The following IMMP2L variants were observed in gnomAD, a reference collection of about 807,000 sequenced individuals.
IMMP2L encodes the protein mitochondrial inner membrane protease subunit 2.
Under a neutral mutation model 19.3 loss-of-function variants are expected in IMMP2L, and 18 were observed. The observed-to-expected ratio is 0.93, with a 90% CI of 0.64 to 1.38. The LOEUF is 1.38. Ranked by LOEUF, IMMP2L falls within the 40% of genes most tolerant of loss-of-function variation. The pLI, the probability that IMMP2L is intolerant of heterozygous loss-of-function variation, is 0.00. For synonymous variants in IMMP2L, 76 were observed against 73.0 expected (o/e 1.04, Z -0.21); for missense variants, 233 against 218.2 (o/e 1.07, Z -0.43).
At chr7:110,844,393 T>C (rs1768284446) in intron 5 of IMMP2L, among the ~76,000 whole-genome samples, 1 of 151,590 alleles carries the variant, frequency 6.6e-6, no homozygotes, top group Non-Finnish European at 1.5e-5. Context: ...AGAGAGAAAA[T>C]GTTTCAGACA....
intron 3 of IMMP2L, among the ~76,000 whole-genome samples, chr7:111,229,204 ATTC>A (rs1813448012): frequency 6.6e-6 from 1 of 152,042 alleles, no homozygotes; most frequent in African/African-American, 2.4e-5. Context: ...ACACAAATTA[ATTC>A]TTAATATTTT....
At chr7:111,286,195 T>TA (rs370724743) in intron 3 of IMMP2L, among the ~76,000 whole-genome samples, 21 of 152,254 alleles carry the variant, frequency 1.4e-4, no homozygotes, top group African/African-American at 5.1e-4. Flanking sequence ...GAAGTACAGT[T>TA]AGAGATGCAC....
At chr7:111,309,515 A>T (rs1439611231) in intron 3 of IMMP2L, among the ~76,000 whole-genome samples, 1 of 152,144 alleles carries the variant, frequency 6.6e-6, no homozygotes, top group Non-Finnish European at 1.5e-5. Flanking sequence ...CTGGTCAAAG[A>T]ATTGATACTT....
rs565572942 is a variant in IMMP2L, at chr7:110,706,637, C to T, written c.409-42916G>A. ...CTGAGCATTTTTTCATGCTTGTTGG[C>T]TACTTGTATGTCTTCTTTCAAGAAG... On this transcript the variant is annotated intron_variant, in intron 5 of 5. Transcript: ENST00000405709. Among the ~76,000 whole-genome samples, 6 of 152,184 alleles carry T rather than the reference C, an allele frequency of 3.9e-5. No homozygotes were observed. The South Asian group carries it at 1.2e-3, about 32-fold the overall frequency.
In IMMP2L at chr7:111,280,626, C is replaced by T. The variant is rs560112132; in HGVS notation, c.239+206612G>A. On this transcript the variant is annotated intron_variant, in intron 3 of 5. Coordinates refer to ENST00000405709, the MANE Select transcript of IMMP2L (RefSeq NM_032549.4). ...GAAATGTCATGATGAACTGGTCTTCCGAGAAACTTGGTCTAGGAAGTAACG... is the reference window on the plus strand; with the variant it reads ...GAAATGTCATGATGAACTGGTCTTCTGAGAAACTTGGTCTAGGAAGTAACG... Among the ~76,000 whole-genome samples, 25 of 152,194 alleles carry T rather than the reference C, an allele frequency of 1.6e-4. No individual in the cohort carries two copies. The South Asian group carries it at 4.4e-3, about 26-fold the overall frequency.
intron 3 of IMMP2L, among the ~76,000 whole-genome samples, chr7:111,485,880 C>A (rs1842615264): frequency 6.6e-6 from 1 of 151,690 alleles, no homozygotes; most frequent in Non-Finnish European, 1.5e-5. Flanking sequence ...GCATGTTTCT[C>A]ACGGGAAAAA....
intron 3 of IMMP2L, among the ~76,000 whole-genome samples, chr7:111,081,993 T>C (rs1272769716): frequency 6.6e-6 from 1 of 152,002 alleles, no homozygotes; most frequent in East Asian, 1.9e-4. Context: ...GGAGCAGGAG[T>C]CTCCTAGAAG....
rs1796037195 is a variant in IMMP2L, at chr7:110,728,352, A to C, written c.409-64631T>G. On this transcript the variant is annotated intron_variant, in intron 5 of 5. Coordinates refer to ENST00000405709, the MANE Select transcript of IMMP2L (RefSeq NM_032549.4). This position sits in a 1 kb window ranked among gnomAD's most constrained non-coding sequence, Gnocchi z 4.6. Reference sequence around the variant, plus strand: ...TGTATCTATAAAATATATAAAAATTAGCTGGGCATAGTGGTGTGTGCCTGT... The same window carrying C: ...TGTATCTATAAAATATATAAAAATTCGCTGGGCATAGTGGTGTGTGCCTGT... Among the ~76,000 whole-genome samples, 1 of 152,012 alleles carries C rather than the reference A, an allele frequency of 6.6e-6. No individual in the cohort carries two copies. The highest frequency in any genetic ancestry group is 1.5e-5 in the Non-Finnish European group (1 of 68,024).
chr7:110,705,266 G>C (rs1380162174), intron 5 of IMMP2L, among the ~76,000 whole-genome samples: 3 of 152,140 alleles, frequency 2.0e-5, no homozygotes, highest in Non-Finnish European at 4.4e-5. Context: ...AGAGGAAAGA[G>C]ACTGATAGTT....
At chr7:110,906,013 G>A (rs917640774) in intron 4 of IMMP2L, among the ~76,000 whole-genome samples, 15 of 151,960 alleles carry the variant, frequency 9.9e-5, no homozygotes, top group South Asian at 2.1e-4. Flanking sequence ...GTTTCTTTAC[G>A]TTGGAATGAA....
chr7:111,271,768 C>G (rs1818497408), intron 3 of IMMP2L, among the ~76,000 whole-genome samples: 1 of 152,096 alleles, frequency 6.6e-6, no homozygotes, highest in African/African-American at 2.4e-5. Flanking sequence ...CTTGGAGAGT[C>G]CCTAAGTACA....
rs1835035590 is a variant in IMMP2L at position 111,417,234 on chromosome 7, AG to A, written c.239+70003del. On this transcript the variant is annotated intron_variant, in intron 3 of 5. Transcript: ENST00000405709. ...CAATGTGTCCATGATTATATATTTT[AG>A]TAAAATTTGTAAAAGTAAGATACTT... is the stretch of plus-strand genomic sequence containing the variant. 2.0e-5 allele frequency among the ~76,000 whole-genome samples: 3 copies of A among 151,782 alleles called. 1 individual carries two copies. The highest frequency in any genetic ancestry group is 1.3e-4 in the Admixed American group (2 of 15,244).
At chr7:110,816,485 C>T (rs1562995039) in intron 5 of IMMP2L, among the ~76,000 whole-genome samples, 1 of 151,636 alleles carries the variant, frequency 6.6e-6, no homozygotes, top group African/African-American at 2.4e-5. Context: ...ATTAGGTCTG[C>T]TTGGTGCAGA....
chr7:110,784,265 C>T (rs1181401930), intron 5 of IMMP2L, among the ~76,000 whole-genome samples: 2 of 151,898 alleles, frequency 1.3e-5, no homozygotes, highest in East Asian at 3.9e-4. Flanking sequence ...ATGCATCTGT[C>T]TGCATGGTCT....
chr7:110,688,800 T>G (rs1793294871), intron 5 of IMMP2L, among the ~76,000 whole-genome samples: 1 of 152,132 alleles, frequency 6.6e-6, no homozygotes, highest in Admixed American at 6.6e-5. Context: ...TTGGGACTGC[T>G]TTTAAAAGGA....
rs145023198 is a variant in IMMP2L, at chr7:110,689,326, G to C, written c.409-25605C>G. Among the ~76,000 whole-genome samples, 260 of 152,176 alleles carry C rather than the reference G, an allele frequency of 1.7e-3. 1 individual carries two copies. The highest frequency in any genetic ancestry group is 5.7e-3 in the African/African-American group (237 of 41,502). ...AAGGAGCAAAGAGATGATTAGAGTA[G>C]TATGCACATGTTATTTTTTCCATCT... is the stretch of plus-strand genomic sequence containing the variant. On this transcript the variant is annotated intron_variant, in intron 5 of 5. Coordinates refer to ENST00000405709, the MANE Select transcript of IMMP2L (RefSeq NM_032549.4).
chr7:111,390,142 T>C (rs916745358), intron 3 of IMMP2L, among the ~76,000 whole-genome samples: 2 of 152,056 alleles, frequency 1.3e-5, no homozygotes, highest in African/African-American at 4.8e-5. Flanking sequence ...AGCCGCCAGG[T>C]CAGTAGACTT....
intron 3 of IMMP2L, among the ~76,000 whole-genome samples, chr7:111,239,208 C>T (rs188187328): frequency 2.0e-5 from 3 of 151,966 alleles, no homozygotes; most frequent in Non-Finnish European, 2.9e-5. Flanking sequence ...TCCAAACTAT[C>T]GCTATGAGTA....
intron 3 of IMMP2L, among the ~76,000 whole-genome samples, chr7:111,136,087 G>A (rs535906479): frequency 6.6e-6 from 1 of 151,448 alleles, no homozygotes; most frequent in South Asian, 2.1e-4. Context: ...GGAGTGCAGT[G>A]GCATGATCTC....
Sources: allele counts gnomAD v4.1 joint callset (sites outside exome capture counted in the v4.1 genomes callset), GRCh38; gene constraint gnomAD v4.1.1; non-coding constraint Gnocchi (gnomAD v3.1); transcripts MANE v1.5; gene names NCBI Gene and HGNC (gene_info 2026-07-23, HGNC 2026-07-21).